Variants in KANSL1L observed in about 807,000 individuals in gnomAD.
KANSL1L encodes the protein KAT8 regulatory NSL complex subunit 1-like protein.
In KANSL1L, 25 loss-of-function variants were observed where a neutral mutation model predicts 108.6. The observed-to-expected ratio is 0.23, with a 90% CI of 0.17 to 0.32. The LOEUF (loss-of-function observed/expected upper bound fraction) is 0.32, where lower values mean the gene tolerates loss of function less well. Among genes scored for constraint, KANSL1L ranks in the 10% least tolerant of loss-of-function variants. The pLI is 1.00. For synonymous variants in KANSL1L, 405 were observed against 395.1 expected, an observed-to-expected ratio of 1.03 and a Z score of -0.30; for missense variants, 1,137 against 1,125.7, an observed-to-expected ratio of 1.01 and a Z score of -0.14.
intron 1 of KANSL1L, chr2:210,170,337 C>G: frequency 1.0e-6 from 1 of 984,680 alleles, no homozygotes; most frequent in Non-Finnish European, 1.2e-6. Context: ...ATGTGCTTAC[C>G]ACAGTTCAAA....
At chr2:210,133,505 T>C (rs966404609) in intron 2 of KANSL1L, among the ~76,000 whole-genome samples, 1 of 152,130 alleles carries the variant, frequency 6.6e-6, no homozygotes, top group Non-Finnish European at 1.5e-5. Flanking sequence ...ATAATCTTGC[T>C]AGAAGTTTAT....
chr2:210,090,569 A>T (rs1030482304), intron 5 of KANSL1L, among the ~76,000 whole-genome samples: 2 of 152,236 alleles, frequency 1.3e-5, no homozygotes, highest in Admixed American at 1.3e-4. Flanking sequence ...ACAGGGTCTC[A>T]CTCTGTCACC....
chr2:210,042,319 T>C (rs2094173701), intron 7 of KANSL1L, among the ~76,000 whole-genome samples: 2 of 152,202 alleles, frequency 1.3e-5, no homozygotes, highest in Admixed American at 1.3e-4. Context: ...TAGTAGGTAT[T>C]GAGATTTTTA....
At chr2:210,162,920 T>C (rs939111666) in intron 1 of KANSL1L, among the ~76,000 whole-genome samples, 1 of 152,204 alleles carries the variant, frequency 6.6e-6, no homozygotes, top group Non-Finnish European at 1.5e-5. Context: ...CAGCAGCCTC[T>C]AGCCATTCTA....
At chr2:210,171,542 T>C (rs1453816593), upstream of KANSL1L, 1 of 152,546 alleles carries the variant, frequency 6.6e-6, no homozygotes, top group Non-Finnish European at 1.5e-5. Flanking sequence ...GTTCTGGAAG[T>C]GGCAGGAGCA....
intron 3 of KANSL1L, among the ~76,000 whole-genome samples, chr2:210,127,157 T>C (rs2095073740): frequency 6.6e-6 from 1 of 152,140 alleles, no homozygotes; most frequent in Admixed American, 6.6e-5. Context: ...CCCTAACATA[T>C]ATGGTCAAAT....
chr2:210,078,103 T>G (rs1280524413), intron 5 of KANSL1L, among the ~76,000 whole-genome samples: 4 of 152,198 alleles, frequency 2.6e-5, no homozygotes, highest in Non-Finnish European at 5.9e-5. Flanking sequence ...TACAAACCTG[T>G]AAAACATGTT....
In KANSL1L at chr2:210,029,872, T is replaced by C. The variant is rs1234702113; in HGVS notation, c.2202A>G (p.Ser734=). The C allele has an allele frequency of 2.5e-6, 4 of 1,606,054 alleles. No homozygotes were observed. The South Asian group carries it at 4.4e-5, about 18-fold the overall frequency. The change falls in exon 10 of 15, where the codon TCA becomes TCG. Residue 734 remains serine, a synonymous_variant. Transcript: ENST00000281772. Reference sequence around the variant, plus strand: ...CAGCAGTAAAATTGCTATGGGATCCTGATTCTGTGTGTTGAAAATCAGATT... The same window carrying C: ...CAGCAGTAAAATTGCTATGGGATCCCGATTCTGTGTGTTGAAAATCAGATT... ...LEESDFQHTE[S]GSHSNFTAVS... is the part of the protein sequence containing the mutation.
intron 6 of KANSL1L, among the ~76,000 whole-genome samples, chr2:210,062,358 G>A (rs912368329): frequency 2.6e-5 from 4 of 152,128 alleles, no homozygotes; most frequent in African/African-American, 4.8e-5. Context: ...TCCCAGTCTC[G>A]GGTATGTCTT....
intron 2 of KANSL1L, among the ~76,000 whole-genome samples, chr2:210,135,605 T>A (rs2095166485): frequency 6.6e-6 from 1 of 152,066 alleles, no homozygotes; most frequent in Non-Finnish European, 1.5e-5. Context: ...AATATGGAAA[T>A]GAAATGAAGT....
At chr2:210,100,663 G>A (rs1380544171) in intron 4 of KANSL1L, among the ~76,000 whole-genome samples, 1 of 152,144 alleles carries the variant, frequency 6.6e-6, no homozygotes, top group African/African-American at 2.4e-5. Context: ...GTTTCAGACA[G>A]TGTCTCGTTC....
rs1688324333 is a variant in KANSL1L, at chr2:210,171,302, GCCGCCGCCGCCGCC to G, written c.-197_-184del. 6.9e-3 allele frequency: 1 copy of G among 144 alleles called. No homozygotes were observed. The highest frequency in any genetic ancestry group is 0.036 in the Non-Finnish European group (1 of 28). 0.0% of individuals were successfully genotyped at this position (144 alleles called of 1,614,324 possible). On this transcript the variant is annotated 5_prime_UTR_variant, in exon 1 of 15. Transcript: ENST00000281772. ...GCGCCCCGCTCCCGCCCCGGCCGCC[GCCGCCGCCGCCGCC>G]GCCGCCGCCGCCGCCGCCGCCGCCG...
chr2:210,030,153 G>T (rs543383851), intron 9 of KANSL1L, among the ~76,000 whole-genome samples: 79 of 151,894 alleles, frequency 5.2e-4, no homozygotes, highest in African/African-American at 1.8e-3. Context: ...ATTTCTTATT[G>T]TTCCCTGAAT....
intron 8 of KANSL1L, among the ~76,000 whole-genome samples, chr2:210,039,453 G>C (rs1020814061): frequency 6.6e-6 from 1 of 151,668 alleles, no homozygotes; most frequent in Admixed American, 6.6e-5. Flanking sequence ...ACTTATAAAA[G>C]CTGCTGATTT....
rs565857562 is a variant in KANSL1L at position 210,085,291 on chromosome 2, A to G, written c.1551-9535T>C. ...TTAGCAAAATTTTGAAAACTGTTAA[A>G]GCTGAGAATATGTGGGTTCACTTTA... On this transcript the variant is annotated intron_variant, in intron 5 of 14. Coordinates refer to ENST00000281772, the MANE Select transcript of KANSL1L (RefSeq NM_152519.4). 3.9e-5 allele frequency among the ~76,000 whole-genome samples: 6 copies of G among 152,332 alleles called. No homozygotes were observed. The East Asian group carries it at 7.7e-4, about 20-fold the overall frequency.
intron 1 of KANSL1L, among the ~76,000 whole-genome samples, chr2:210,164,872 T>C (rs1687838791): frequency 6.7e-6 from 1 of 150,264 alleles, no homozygotes; most frequent in South Asian, 2.1e-4. Context: ...TTTTTTTGTT[T>C]TTTTTTGTTT....
intron 7 of KANSL1L, 85 bp from the exon 8 acceptor site, chr2:210,040,612 C>T: frequency 1.7e-6 from 1 of 594,048 alleles, no homozygotes; most frequent in Non-Finnish European, 2.9e-6. Flanking sequence ...AAATTGCTTT[C>T]TTTCTATAAA....
At chr2:210,130,333 T>C (rs751380886) in intron 2 of KANSL1L, among the ~76,000 whole-genome samples, 5 of 152,210 alleles carry the variant, frequency 3.3e-5, no homozygotes, top group Admixed American at 6.5e-5. Context: ...CTCTAAAAAA[T>C]AGTTTATTAA....
At chr2:210,140,725 T>A (rs2095220214) in intron 2 of KANSL1L, among the ~76,000 whole-genome samples, 1 of 152,208 alleles carries the variant, frequency 6.6e-6, no homozygotes, top group Admixed American at 6.5e-5. Flanking sequence ...GATATGGAAT[T>A]TGTAGATTGC....
Sources: gnomAD v4.1 joint callset for allele counts (sites outside exome capture counted in the v4.1 genomes callset) on GRCh38, gnomAD v4.1.1 for gene constraint, MANE v1.5 for transcripts, NCBI Gene and HGNC (gene_info 2026-07-23, HGNC 2026-07-21) for gene names.